The following KIF5A variants were observed in gnomAD, a reference collection of about 807,000 sequenced individuals.
The protein encoded by KIF5A is kinesin family member 5A, also known as kinesin heavy chain isoform 5A.
A neutral mutation model predicts 141.3 loss-of-function variants in KIF5A; 35 were observed. That is an observed-to-expected ratio of 0.25 (90% CI 0.19 to 0.33). The LOEUF (loss-of-function observed/expected upper bound fraction) is 0.33, where lower values mean the gene tolerates loss of function less well. Among genes scored for constraint, KIF5A ranks in the 10% least tolerant of loss-of-function variants. The probability of loss-of-function intolerance (pLI) is 1.00; values close to 1 mark genes in which losing one functional copy is unlikely to be tolerated. For synonymous variants in KIF5A, 448 were observed against 500.2 expected, an observed-to-expected ratio of 0.90 and a Z score of 1.39; for missense variants, 861 against 1,314.3, an observed-to-expected ratio of 0.66 and a Z score of 5.33.
In KIF5A at chr12:57,581,942, C is replaced by T; in HGVS notation, c.2982C>T (p.Asn994=). The T allele has an allele frequency of 6.2e-7, 1 of 1,613,810 alleles. No individual in the cohort carries two copies. Among genetic ancestry groups the T allele is most frequent in the Admixed American group, 1.7e-5 (1 of 60,018 alleles). ...CCTTGGCTTCCTACCAGAAGGCCAA[C>T]ATGGACAATGGTGAGTGAAAAAGAT... The part of the protein sequence containing the change: ...GGPLASYQKA[N]MDNGNATDIN... The change falls in exon 26 of 29, where the codon AAC becomes AAT. Residue 994 remains asparagine (N), a synonymous_variant. Coordinates refer to ENST00000455537, the MANE Select transcript of KIF5A (RefSeq NM_004984.4).
chr12:57,571,479 G>A, intron 13 of KIF5A, 90 bp downstream of exon 13: 3 of 1,348,366 alleles, frequency 2.2e-6, no homozygotes, highest in Non-Finnish European at 3.1e-6. Flanking sequence ...TCAGATGGAA[G>A]AAGGCGCTTT....
chr12:57,580,552 G>A (rs1882564091), intron 23 of KIF5A, among the ~76,000 whole-genome samples: 1 of 152,102 alleles, frequency 6.6e-6, no homozygotes, highest in African/African-American at 2.4e-5. Context: ...TGCCCACAAA[G>A]CCCTCTCTGG....
intron 7 of KIF5A, 116 bp downstream of exon 7, chr12:57,567,329 A>G: frequency 9.4e-7 from 1 of 1,064,620 alleles, no homozygotes; most frequent in Non-Finnish European, 1.3e-6. Flanking sequence ...GAGGAGGAGG[A>G]CCCCTTGTCT....
chr12:57,574,524 G>A (rs544233768), intron 15 of KIF5A, among the ~76,000 whole-genome samples: 2 of 149,270 alleles, frequency 1.3e-5, no homozygotes, highest in African/African-American at 2.5e-5. Flanking sequence ...CACCCACCTC[G>A]GCCTCCCAAA....
chr12:57,576,017 T>C (rs1882412278), intron 17 of KIF5A, 70 bp from the exon 18 acceptor site: 2 of 1,470,394 alleles, frequency 1.4e-6, no homozygotes, highest in African/African-American at 2.8e-5. Context: ...CCTGGAGTTC[T>C]GGTCACAACG....
intron 1 of KIF5A, among the ~76,000 whole-genome samples, chr12:57,557,984 C>A (rs569102449): frequency 1.6e-4 from 25 of 152,300 alleles, no homozygotes; most frequent in Admixed American, 3.3e-4. Flanking sequence ...ACACAGTTCC[C>A]TTTTCAGAAG....
chr12:57,572,308 G>C lies in KIF5A; in HGVS notation c.1569+41G>C. 1 of 1,545,530 alleles carries C rather than the reference G, an allele frequency of 6.5e-7. No individual in the cohort carries two copies. Among genetic ancestry groups the C allele is most frequent in the Non-Finnish European group, 8.8e-7 (1 of 1,139,640 alleles). The stretch of plus-strand genomic sequence containing the variant: ...ATGGTCCAACAGCTCCCTGACCACA[G>C]AACATCTCCCATGTCGAGGGGACCT... On this transcript the variant is annotated intron_variant, in intron 14 of 28. Transcript: ENST00000455537. The surrounding 1 kb of genome is among the most constrained non-coding windows in gnomAD (Gnocchi z 4.2).
chr12:57,560,791 C>T (rs2045998815), intron 1 of KIF5A, among the ~76,000 whole-genome samples: 1 of 151,974 alleles, frequency 6.6e-6, no homozygotes, highest in Non-Finnish European at 1.5e-5. Context: ...TGCTTGAGCC[C>T]AGGAGTTTGA....
chr12:57,553,738 T>C (rs1035725076), intron 1 of KIF5A, among the ~76,000 whole-genome samples: 1 of 152,132 alleles, frequency 6.6e-6, no homozygotes, highest in African/African-American at 2.4e-5. Context: ...GGTGCTGGGA[T>C]ACACAAATGG....
chr12:57,575,345 TC>T, intron 16 of KIF5A, 73 bp downstream of exon 16: 3 of 1,429,248 alleles, frequency 2.1e-6, no homozygotes, highest in Non-Finnish European at 2.9e-6. Context: ...TGGCTAAAAC[TC>T]CTAACACCCA....
chr12:57,570,259 A>C (rs1179264501), intron 12 of KIF5A, 97 bp downstream of exon 12: 4 of 1,063,576 alleles, frequency 3.8e-6, no homozygotes, highest in Non-Finnish European at 4.2e-6. Context: ...TGGTTTTAAA[A>C]GGGATAAATG....
intron 13 of KIF5A, 77 bp from the exon 14 acceptor site, chr12:57,571,984 T>A: frequency 7.8e-7 from 1 of 1,279,930 alleles, no homozygotes; most frequent in Non-Finnish European, 1.1e-6. Flanking sequence ...GGGTGGGGGC[T>A]CAGCTTCCCA....
chr12:57,577,672 C>A (rs745878514), intron 20 of KIF5A, 41 bp from the exon 21 acceptor site: 2 of 1,491,460 alleles, frequency 1.3e-6, no homozygotes. Context: ...GAAGGAGAGT[C>A]CTGAGGGATC....
intron 1 of KIF5A, among the ~76,000 whole-genome samples, chr12:57,552,301 G>A (rs1054149864): frequency 3.3e-5 from 5 of 152,094 alleles, no homozygotes; most frequent in African/African-American, 1.2e-4. Context: ...GTGTGGTGTC[G>A]ATCTGTTGTT....
At chr12:57,566,822 A>G (rs962406861) in intron 6 of KIF5A, among the ~76,000 whole-genome samples, 5 of 152,066 alleles carry the variant, frequency 3.3e-5, no homozygotes, top group Admixed American at 6.5e-5. Flanking sequence ...CAGGCGGATC[A>G]CGAGGTCAGG....
intron 1 of KIF5A, among the ~76,000 whole-genome samples, chr12:57,555,851 G>A (rs1015237601): frequency 1.4e-5 from 2 of 144,528 alleles, no homozygotes; most frequent in African/African-American, 5.1e-5. Context: ...GAAGGTTGCA[G>A]TGAGCCAAGA....
chr12:57,572,387 C>G lies in KIF5A; in HGVS notation c.1569+120C>G, dbSNP rs1882283075. 1 of 1,251,138 alleles carries G rather than the reference C, an allele frequency of 8.0e-7. No individual in the cohort carries two copies. The highest frequency in any genetic ancestry group is 2.5e-5 in the East Asian group (1 of 39,470). The allele number at this position is 1,251,138 out of a possible 1,614,324, so 77.5% of individuals were successfully genotyped here. A position where few individuals can be genotyped will look rare whatever the true frequency, so the allele number is the denominator to read the frequency against. ...TGCACCTCTGCACTGCTGTTCAGTG[C>G]ATTGTGAGTCCCTCCCCAACCCTGT... On this transcript the variant is annotated intron_variant, in intron 14 of 28. Coordinates refer to ENST00000455537, the MANE Select transcript of KIF5A (RefSeq NM_004984.4). This position sits in a 1 kb window ranked among gnomAD's most constrained non-coding sequence, Gnocchi z 4.2.
At position 57,550,230 on chromosome 12, in the gene KIF5A, C is replaced by T. The variant is rs1881526160; in HGVS notation, c.-42C>T. ...CTCTCCTCTGGAGCACACACCACCCCTGCAGCCCAAGAAGAGTCCCAGCCC... is the reference window on the plus strand; with the variant it reads ...CTCTCCTCTGGAGCACACACCACCCTTGCAGCCCAAGAAGAGTCCCAGCCC... On this transcript the variant is annotated 5_prime_UTR_variant, in exon 1 of 29. Transcript: ENST00000455537. This position sits in a 1 kb window ranked among gnomAD's most constrained non-coding sequence, Gnocchi z 4.6. 3 of 1,613,024 alleles carry T rather than the reference C, an allele frequency of 1.9e-6. No homozygotes were observed. The highest frequency in any genetic ancestry group is 1.3e-5 in the African/African-American group (1 of 75,046).
Position 57,564,499 on chromosome 12 carries a change from C to A in KIF5A, c.436C>A (p.Leu146Ile). 1 of 1,611,730 alleles carries A rather than the reference C, an allele frequency of 6.2e-7. No homozygotes were observed. The highest frequency in any genetic ancestry group is 1.1e-5 in the South Asian group (1 of 90,968). Residue 146 changes from leucine to isoleucine, a missense_variant, in exon 5 of 29, where the codon CTT (leucine) becomes ATT (isoleucine). Physicochemically the swap from Leu to Ile is conservative, Grantham distance 5 (BLOSUM62 2). Transcript: ENST00000455537. ...FEIYLDKIRDLLDVTKTNLSV... is the reference protein window; with the variant it reads ...FEIYLDKIRDILDVTKTNLSV... ...AATTTACCTGGACAAAATTCGTGACCTTCTGGATGGTGAGTGTTTTGTCCC... is the reference window on the plus strand; with the variant it reads ...AATTTACCTGGACAAAATTCGTGACATTCTGGATGGTGAGTGTTTTGTCCC...
Sources: allele counts gnomAD v4.1 joint callset (sites outside exome capture counted in the v4.1 genomes callset), GRCh38; gene constraint gnomAD v4.1.1; non-coding constraint Gnocchi (gnomAD v3.1); transcripts MANE v1.5; gene names NCBI Gene and HGNC (gene_info 2026-07-23, HGNC 2026-07-21).